The following CFAP74 variants were observed in gnomAD, a reference collection of about 807,000 sequenced individuals.
The protein encoded by CFAP74 is cilia and flagella associated protein 74, also known as cilia- and flagella-associated protein 74.
A neutral mutation model predicts 188.9 loss-of-function variants in CFAP74; 124 were observed. That is an observed-to-expected ratio of 0.66 (90% CI 0.57 to 0.76). The LOEUF is 0.76. CFAP74 is among the 30% of genes least tolerant of loss of function. The pLI, the probability that CFAP74 is intolerant of heterozygous loss-of-function variation, is 0.00. For synonymous variants in CFAP74, 956 were observed against 916.7 expected (o/e 1.04, Z -0.77); for missense variants, 2,198 against 2,165.2 (o/e 1.02, Z -0.30).
intron 25 of CFAP74, among the ~76,000 whole-genome samples, chr1:1,932,963 G>A (rs1184994010): frequency 6.7e-6 from 1 of 149,766 alleles, no homozygotes; most frequent in Non-Finnish European, 1.5e-5. Context: ...TCGGCTCACT[G>A]CAAGCTCCAT....
At chr1:1,949,899 G>A (rs1278241572) in intron 18 of CFAP74, among the ~76,000 whole-genome samples, 1 of 152,116 alleles carries the variant, frequency 6.6e-6, no homozygotes, top group South Asian at 2.1e-4. Flanking sequence ...GGGACCCCAC[G>A]GTTTCTCTAT....
chr1:1,924,794 A>G (rs967165897), intron 33 of CFAP74, among the ~76,000 whole-genome samples: 4 of 152,262 alleles, frequency 2.6e-5, no homozygotes, highest in African/African-American at 7.2e-5. Context: ...AGGGCGCCTG[A>G]GTCTCGCTCA....
rs1557986401 is a variant in CFAP74 at position 1,927,278 on chromosome 1, T to TA, written c.3528-251dup. The TA allele has an allele frequency of 6.8e-6, 4 of 587,270 alleles. No individual in the cohort carries two copies. The East Asian group carries it at 8.6e-5, about 13-fold the overall frequency. The allele number at this position is 587,270 out of a possible 1,614,324, so 36.4% of individuals were successfully genotyped here. ...GGGGCAGGTGCCTTTGGCCCCTGGC[T>TA]AGAGAGCCATGTTCCTTCCCGGGGC... is the stretch of plus-strand genomic sequence containing the variant. On this transcript the variant is annotated intron_variant, in intron 28 of 38. Coordinates refer to ENST00000682832, the MANE Select transcript of CFAP74 (RefSeq NM_001304360.2).
intron 24 of CFAP74, among the ~76,000 whole-genome samples, 153 bp from the exon 25 acceptor site, chr1:1,939,141 CAAGT>C (rs901297454): frequency 3.3e-5 from 5 of 152,036 alleles, no homozygotes; most frequent in African/African-American, 1.2e-4. Context: ...TGTGTGTCAG[CAAGT>C]GTGTGAGTGT....
In CFAP74 at chr1:1,946,984, G is replaced by A; in HGVS notation, c.2241+6C>T. 1 of 1,534,116 alleles carries A rather than the reference G, an allele frequency of 6.5e-7. No homozygotes were observed. The highest frequency in any genetic ancestry group is 1.4e-5 in the African/African-American group (1 of 73,128). ...GGCAGCTATTTTAGGGCCTGAGCTG[G>A]CTGACCTCCCCCAGCGTGATCTCCG... On this transcript the variant is annotated splice_donor_region_variant and intron_variant, in intron 19 of 38. Coordinates refer to ENST00000682832, the MANE Select transcript of CFAP74 (RefSeq NM_001304360.2).
intron 25 of CFAP74, among the ~76,000 whole-genome samples, chr1:1,935,756 G>T (rs1041481126): frequency 5.3e-5 from 8 of 152,032 alleles, no homozygotes; most frequent in Non-Finnish European, 1.2e-4. Flanking sequence ...CTGTATTTTG[G>T]GTGGAGGGTA....
intron 37 of CFAP74, 36 bp from the exon 38 acceptor site, chr1:1,922,759 G>A (rs759332311): frequency 5.0e-6 from 8 of 1,590,892 alleles, no homozygotes; most frequent in Non-Finnish European, 6.0e-6. Flanking sequence ...CTGGCGACCA[G>A]GCACCGCTCC....
At position 1,922,401 on chromosome 1, in the gene CFAP74, G is replaced by A; in HGVS notation, c.4819-13C>T. 6.2e-7 allele frequency: 1 copy of A among 1,600,780 alleles called. No individual in the cohort carries two copies. On this transcript the variant is annotated splice_polypyrimidine_tract_variant and intron_variant, in intron 38 of 38. Coordinates refer to ENST00000682832, the MANE Select transcript of CFAP74 (RefSeq NM_001304360.2). ...GTGGGTGGTCTGGCTGGAACAGGAG[G>A]GGAGGGGAGAAGAGGCCTTCAGTCA...
At chr1:1,974,309 T>C in intron 6 of CFAP74, 111 bp from the exon 7 acceptor site, 1 of 1,091,572 alleles carries the variant, frequency 9.2e-7, no homozygotes, top group Admixed American at 2.6e-5. Context: ...ACACCCCAGA[T>C]GGGTTAGCTC....
rs958522263 is a variant in CFAP74, at chr1:1,975,842, T to C, written c.501-1644A>G. 9.9e-5 allele frequency among the ~76,000 whole-genome samples: 15 copies of C among 152,150 alleles called. No individual in the cohort carries two copies. Among genetic ancestry groups the C allele is most frequent in the Admixed American group, 9.2e-4 (14 of 15,272 alleles). ...CCCTGCCCGGTGATCAGTGCTCCAG[T>C]GGCCGTGGGAGCTAACAGCCTGCAG... On this transcript the variant is annotated intron_variant, in intron 6 of 38. Coordinates refer to ENST00000682832, the MANE Select transcript of CFAP74 (RefSeq NM_001304360.2). This position sits in a 1 kb window ranked among gnomAD's most constrained non-coding sequence, Gnocchi z 4.5.
At chr1:1,958,576 A>G (rs1486708890) in intron 16 of CFAP74, among the ~76,000 whole-genome samples, 1 of 152,138 alleles carries the variant, frequency 6.6e-6, no homozygotes, top group Non-Finnish European at 1.5e-5. Flanking sequence ...TTTACTGGAG[A>G]TGCATGCTGA....
rs930136381 is a variant in CFAP74 at position 1,923,936 on chromosome 1, G to A, written c.4235-7C>T. 2.5e-6 allele frequency: 4 copies of A among 1,603,760 alleles called. No homozygotes were observed. The South Asian group carries it at 4.5e-5, about 18-fold the overall frequency. ...CCGTTGAGATTCTGCGTCCCTGCGG[G>A]TAGGGTGGGGTGCAGTTTGGCCTTC... On this transcript the variant is annotated splice_region_variant and splice_polypyrimidine_tract_variant and intron_variant, in intron 34 of 38. Coordinates refer to ENST00000682832, the MANE Select transcript of CFAP74 (RefSeq NM_001304360.2). The surrounding 1 kb of genome is among the most constrained non-coding windows in gnomAD (Gnocchi z 6.3).
At chr1:1,990,263 A>G (rs1252337132) in intron 2 of CFAP74, among the ~76,000 whole-genome samples, 2 of 152,162 alleles carry the variant, frequency 1.3e-5, no homozygotes, top group Non-Finnish European at 2.9e-5. Context: ...AGAAGATTAC[A>G]GCGGACTTCC....
chr1:1,970,939 A>C (rs562373370), intron 9 of CFAP74, 123 bp from the exon 10 acceptor site: 32 of 1,156,166 alleles, frequency 2.8e-5, no homozygotes, highest in African/African-American at 4.8e-5. Context: ...GCACACACAC[A>C]TGCACACCTG....
intron 16 of CFAP74, 123 bp downstream of exon 16, chr1:1,958,997 A>C (rs1037651178): frequency 1.5e-6 from 1 of 668,496 alleles, no homozygotes; most frequent in Non-Finnish European, 2.6e-6. Flanking sequence ...CCCCTGGTGA[A>C]GATTGGAGCT....
Position 1,970,698 on chromosome 1 carries a change from A to C in CFAP74, c.1007T>G (p.Val336Gly). The C allele has an allele frequency of 1.2e-6, 2 of 1,613,668 alleles. No homozygotes were observed. Among genetic ancestry groups the C allele is most frequent in the Admixed American group, 3.3e-5 (2 of 59,934 alleles). The change falls in exon 10 of 39, where the codon GTC becomes GGC. Residue 336 changes from valine to glycine, a missense_variant. Transcript: ENST00000682832. The stretch of plus-strand genomic sequence containing the variant: ...CAGCTCCTGGCGCCGGCGCTGGTGG[A>C]CAAGGTGCCTGAATGCATCCCTGCC... Reference protein sequence around the residue: ...AQGRDAFRHLVHQRRRQELEA... With the variant: ...AQGRDAFRHLGHQRRRQELEA...
chr1:1,934,535 A>G (rs61775026), intron 25 of CFAP74, among the ~76,000 whole-genome samples: 347 of 115,032 alleles, frequency 3.0e-3, no homozygotes, highest in Middle Eastern at 6.3e-3. Flanking sequence ...ACACAGGTGT[A>G]TACGTGGGTG....
chr1:1,987,116 C>T (rs2102103513), intron 4 of CFAP74, 81 bp from the exon 5 acceptor site: 1 of 1,194,896 alleles, frequency 8.4e-7, no homozygotes, highest in Non-Finnish European at 1.2e-6. Flanking sequence ...GCAATGGGGC[C>T]AGGTGAGGCA....
In CFAP74 at chr1:1,942,262, G is replaced by T. The variant is rs1653433823; in HGVS notation, c.2487-106C>A. The T allele has an allele frequency of 1.7e-6, 2 of 1,175,016 alleles. No homozygotes were observed. Among genetic ancestry groups the T allele is most frequent in the African/African-American group, 1.6e-5 (1 of 64,326 alleles). The allele number at this position is 1,175,016 out of a possible 1,614,324, so 72.8% of individuals were successfully genotyped here. ...ATTTCTGGCACCCAAGCCCCCGAGA[G>T]GTGCTCAGAGCCCACCCACTCCAAG... On this transcript the variant is annotated intron_variant, in intron 21 of 38. Coordinates refer to ENST00000682832, the MANE Select transcript of CFAP74 (RefSeq NM_001304360.2). The surrounding 1 kb of genome is among the most constrained non-coding windows in gnomAD (Gnocchi z 4.3).
Sources: gnomAD v4.1 joint callset for allele counts (sites outside exome capture counted in the v4.1 genomes callset) on GRCh38, gnomAD v4.1.1 for gene constraint, Gnocchi (gnomAD v3.1) non-coding constraint, MANE v1.5 for transcripts, NCBI Gene and HGNC (gene_info 2026-07-23, HGNC 2026-07-21) for gene names.